PRELID3A: variants seen among roughly 807,000 people sequenced by gnomAD.
The protein encoded by PRELID3A is PRELI domain containing protein 3A.
A neutral mutation model predicts 23.0 loss-of-function variants in PRELID3A; 27 were observed. The observed-to-expected ratio is 1.17, with a 90% confidence interval of 0.87 to 1.62. The LOEUF is 1.62. PRELID3A is among the 40% of genes most tolerant of loss of function. The pLI is 0.00. For missense variants in PRELID3A, 231 were observed against 231.4 expected (o/e 1.00, Z 0.01); for synonymous variants, 87 against 86.4 (o/e 1.01, Z -0.04).
chr18:12,420,806 C>T (rs1298925981), intron 2 of PRELID3A, among the ~76,000 whole-genome samples: 3 of 10,062 alleles, frequency 3.0e-4, no homozygotes, highest in African/African-American at 1.5e-3. Flanking sequence ...GGTGGGGGGA[C>T]GGTGGGGGGG....
rs114093171 is a variant in PRELID3A, at chr18:12,423,333, G to C, written c.291+1704G>C. The stretch of plus-strand genomic sequence containing the variant: ...AGGTGAGGTAGCCGGGTTGTGTGTT[G>C]GGAAGAATACCTTGGCAGCCCTGTG... On this transcript the variant is annotated intron_variant, in intron 3 of 6. Transcript: ENST00000440960. 6.4e-3 allele frequency among the ~76,000 whole-genome samples: 979 copies of C among 152,272 alleles called. 11 individuals carry two copies. Among genetic ancestry groups the C allele is most frequent in the African/African-American group, 0.022 (894 of 41,566 alleles).
chr18:12,408,423 C>T (rs1403806054), intron 1 of PRELID3A, among the ~76,000 whole-genome samples: 1 of 152,104 alleles, frequency 6.6e-6, no homozygotes, highest in East Asian at 1.9e-4. Context: ...AAGCTGGCGC[C>T]TTTGCTGAGA....
rs758420059 is a variant in PRELID3A, at chr18:12,429,368, T to G, written c.484T>G (p.Trp162Gly). The G allele has an allele frequency of 6.2e-7, 1 of 1,613,530 alleles. No homozygotes were observed. The highest frequency in any genetic ancestry group is 8.5e-7 in the Non-Finnish European group (1 of 1,179,960). ...NAKKGWAAIE[W>G]IIEHSESAVS The stretch of plus-strand genomic sequence containing the variant: ...GTTGCAGGGGTGGGCTGCTATCGAG[T>G]GGATAATTGAACACTCTGAAAGCGC... The change falls in exon 6 of 7, where the codon TGG becomes GGG. Residue 162 changes from tryptophan (W) to glycine (G), a missense_variant. Transcript: ENST00000440960.
At chr18:12,420,996 T>C (rs2030162791) in intron 2 of PRELID3A, among the ~76,000 whole-genome samples, 1 of 152,158 alleles carries the variant, frequency 6.6e-6, no homozygotes, top group Admixed American at 6.5e-5. Flanking sequence ...GCACCGGGAT[T>C]AGGCTTCACC....
chr18:12,430,861 GAT>G (rs1455242328), intron 6 of PRELID3A, among the ~76,000 whole-genome samples: 1 of 150,970 alleles, frequency 6.6e-6, no homozygotes, highest in African/African-American at 2.4e-5. Context: ...TGAGGTGTGT[GAT>G]GTGTATGTGT....
At chr18:12,426,278 G>GGC (rs1322694430) in intron 3 of PRELID3A, among the ~76,000 whole-genome samples, 12 of 151,396 alleles carry the variant, frequency 7.9e-5, no homozygotes, top group South Asian at 4.2e-4. Context: ...ATATAGGCCG[G>GGC]GTGGAGTGGC....
chr18:12,428,051 C>T (rs2030436279), intron 5 of PRELID3A, among the ~76,000 whole-genome samples: 1 of 152,184 alleles, frequency 6.6e-6, no homozygotes. Flanking sequence ...ATTTAATGGG[C>T]ATTAAGTGGC....
chr18:12,423,717 A>G (rs1046605029), intron 3 of PRELID3A, among the ~76,000 whole-genome samples: 2 of 152,078 alleles, frequency 1.3e-5, no homozygotes, highest in African/African-American at 4.8e-5. Flanking sequence ...GTGGGTGGGG[A>G]CAGGGCTGAG....
intron 3 of PRELID3A, among the ~76,000 whole-genome samples, chr18:12,424,679 C>T (rs1366111588): frequency 2.0e-5 from 3 of 152,174 alleles, no homozygotes; most frequent in Non-Finnish European, 2.9e-5. Flanking sequence ...TTTATCACTA[C>T]AGAAAGGTTA....
chr18:12,408,046 C>T, intron 1 of PRELID3A, 39 bp downstream of exon 1: 1 of 1,244,440 alleles, frequency 8.0e-7, no homozygotes, highest in Non-Finnish European at 1.0e-6. Flanking sequence ...GCCGTCCAGA[C>T]GCCGGCTCCT....
Position 12,431,970 on chromosome 18 carries a change from C to T in PRELID3A, c.*854C>T, listed in dbSNP as rs2030627676. On this transcript the variant is annotated 3_prime_UTR_variant, in exon 7 of 7. Transcript: ENST00000440960. ...TATAGTTTTGTGAGTGTTTGAGGGA[C>T]AACGACCAAAGGTCTTTTCCCCACC... 6.6e-6 allele frequency: 1 copy of T among 152,208 alleles called. No individual in the cohort carries two copies. Among genetic ancestry groups the T allele is most frequent in the African/African-American group, 2.4e-5 (1 of 41,456 alleles). The allele number at this position is 152,208 out of a possible 1,614,324, so 9.4% of individuals were successfully genotyped here. A position where few individuals can be genotyped will look rare whatever the true frequency, so the allele number is the denominator to read the frequency against.
intron 2 of PRELID3A, among the ~76,000 whole-genome samples, chr18:12,420,799 G>T (rs2030152108): frequency 7.7e-6 from 1 of 130,350 alleles, no homozygotes; most frequent in African/African-American, 2.8e-5. Context: ...GTCACGGGGT[G>T]GGGGGACGGT....
chr18:12,419,051 C>T (rs903508696), intron 1 of PRELID3A, among the ~76,000 whole-genome samples: 2 of 152,054 alleles, frequency 1.3e-5, no homozygotes, highest in Non-Finnish European at 2.9e-5. Flanking sequence ...GGGCTGGGCA[C>T]GGTGGCTCAC....
chr18:12,416,644 TTTC>T (rs2029961416), intron 1 of PRELID3A, among the ~76,000 whole-genome samples: 1 of 137,794 alleles, frequency 7.3e-6, no homozygotes, highest in Non-Finnish European at 1.5e-5. Context: ...CTTTTCTTTC[TTTC>T]TTTTTTTTTT....
At chr18:12,423,851 G>A (rs1190044430) in intron 3 of PRELID3A, among the ~76,000 whole-genome samples, 1 of 152,202 alleles carries the variant, frequency 6.6e-6, no homozygotes, top group Non-Finnish European at 1.5e-5. Context: ...TGGGTCCTGC[G>A]GCTCCCCTGC....
rs71371255 is a variant in PRELID3A, at chr18:12,409,159, G to GTTTTTTTTTTT, written c.32+1167_32+1177dup. ...AGTCTCATTCTGTCACCCAGGCTGG[G>GTTTTTTTTTTT]TTTTTTTTTTTTTTTTTTTTTTTTT... On this transcript the variant is annotated intron_variant, in intron 1 of 6. Transcript: ENST00000440960. Among the ~76,000 whole-genome samples, 8 of 66,484 alleles carry GTTTTTTTTTTT rather than the reference G, an allele frequency of 1.2e-4. 1 individual carries two copies. The highest frequency in any genetic ancestry group is 2.6e-4 in the Admixed American group (1 of 3,828). The allele number at this position is 66,484 out of a possible 152,430, so 43.6% of individuals were successfully genotyped here. A position where few individuals can be genotyped will look rare whatever the true frequency, so the allele number is the denominator to read the frequency against.
chr18:12,427,168 A>T, intron 4 of PRELID3A, 53 bp from the exon 5 acceptor site: 1 of 1,598,350 alleles, frequency 6.3e-7, no homozygotes, highest in Non-Finnish European at 8.6e-7. Context: ...GGCAGGGCAG[A>T]CCCTCCTCTC....
At chr18:12,414,142 A>G (rs2143331595) in intron 1 of PRELID3A, among the ~76,000 whole-genome samples, 1 of 152,110 alleles carries the variant, frequency 6.6e-6, no homozygotes, top group South Asian at 2.1e-4. Context: ...GACACCCCAG[A>G]GTCGAGGGAC....
chr18:12,427,086 A>T lies in PRELID3A; in HGVS notation c.337A>T (p.Thr113Ser), dbSNP rs1470211400. The change falls in exon 4 of 7, where the codon ACA becomes TCA. Residue 113 changes from threonine (T) to serine (S), a missense_variant. Transcript: ENST00000440960. ...LVSVNERLVY[T>S]PHPENPEMTV... ...GTCAGTTAATGAGAGGTTGGTGTAC[A>T]CACCTCATCCAGAGAACCCAGAAAT... The T allele has an allele frequency of 6.2e-7, 1 of 1,613,492 alleles. No individual in the cohort carries two copies. Among genetic ancestry groups the T allele is most frequent in the Non-Finnish European group, 8.5e-7 (1 of 1,179,548 alleles).
Sources: gnomAD v4.1 joint callset for allele counts (sites outside exome capture counted in the v4.1 genomes callset) on GRCh38, gnomAD v4.1.1 for gene constraint, MANE v1.5 for transcripts, NCBI Gene and HGNC (gene_info 2026-07-23, HGNC 2026-07-21) for gene names.